The following NLRP5 variants were observed in gnomAD, a reference collection of about 807,000 sequenced individuals.
NLRP5 encodes NACHT, LRR and PYD domains-containing protein 5.
NLRP5 carries 93 observed loss-of-function variants against 113.1 expected under a neutral mutation model. The ratio of observed to expected loss-of-function variants is 0.82; its 90% CI spans 0.70 to 0.98. The LOEUF is 0.98. Among genes scored for constraint, NLRP5 ranks in the 50% least tolerant of loss-of-function variants. The pLI is 0.00. For synonymous variants in NLRP5, 751 were observed against 600.7 expected (o/e 1.25, Z -3.66); for missense variants, 1,808 against 1,514.3 (o/e 1.19, Z -3.22).
At chr19:55,996,069 A>G (rs1012943069), upstream of NLRP5, among the ~76,000 whole-genome samples, 1 of 152,150 alleles carries the variant, frequency 6.6e-6, no homozygotes, top group African/African-American at 2.4e-5. Flanking sequence ...TTCTAAATGA[A>G]AGATTATATT....
At chr19:55,988,130 C>A in the NLRP5 span, 1 of 431,182 alleles carries the variant, frequency 2.3e-6, no homozygotes. Context: ...TGGTGGCTCA[C>A]GCCTGTAACC....
chr19:56,058,372 G>T lies in NLRP5; in HGVS notation c.3432G>T (p.Ser1144=). ...CCAAAGGAATGATGAAGCTGTGTTC[G>T]GCCTTTGCCTGTCCCACGTCTAACT... Residue 1144 remains serine (S), a synonymous_variant, in exon 14 of 15, where the codon TCG becomes TCT. Transcript: ENST00000390649. 3 of 1,613,900 alleles carry T rather than the reference G, an allele frequency of 1.9e-6. No individual in the cohort carries two copies. Among genetic ancestry groups the T allele is most frequent in the South Asian group, 1.1e-5 (1 of 91,066 alleles).
intron 2 of NLRP5, 137 bp downstream of exon 2, chr19:56,004,232 G>C (rs1361007048): frequency 3.3e-6 from 3 of 918,700 alleles, no homozygotes; most frequent in Non-Finnish European, 4.8e-6. Context: ...GGATCCTATT[G>C]GTCATCGTCA....
rs568821946 is a variant in NLRP5 at position 56,060,524 on chromosome 19, T to C, written c.3471-872T>C. Among the ~76,000 whole-genome samples the C allele has an allele frequency of 4.6e-5, 7 of 152,182 alleles. No individual in the cohort carries two copies. The East Asian group carries it at 1.4e-3, about 29-fold the overall frequency. On this transcript the variant is annotated intron_variant, in intron 14 of 14. Transcript: ENST00000390649. Reference sequence around the variant, plus strand: ...AGTAGTTTTGCTTAAAGTCACTGTTTCCAAGAACCTATCAATGACATTAAG... The same window carrying C: ...AGTAGTTTTGCTTAAAGTCACTGTTCCCAAGAACCTATCAATGACATTAAG...
At chr19:56,017,800 G>A (rs962255962) in intron 4 of NLRP5, among the ~76,000 whole-genome samples, 5 of 152,078 alleles carry the variant, frequency 3.3e-5, no homozygotes, top group Admixed American at 6.6e-5. Context: ...GTGCCTGGTC[G>A]TTTACACCAA....
intron 7 of NLRP5, among the ~76,000 whole-genome samples, chr19:56,029,550 G>A (rs1396722175): frequency 1.3e-5 from 2 of 152,256 alleles, no homozygotes; most frequent in African/African-American, 4.8e-5. Context: ...ATAGGCATAA[G>A]CTGCTGTGCC....
chr19:56,001,185 T>G (rs1599874929), intron 1 of NLRP5, among the ~76,000 whole-genome samples: 1 of 148,080 alleles, frequency 6.8e-6, no homozygotes, highest in Non-Finnish European at 1.5e-5. Context: ...AAAGGCCTGG[T>G]GCAGTGATGC....
intron 6 of NLRP5, among the ~76,000 whole-genome samples, chr19:56,026,184 C>T (rs1025163237): frequency 6.6e-5 from 10 of 151,962 alleles, no homozygotes; most frequent in African/African-American, 2.4e-4. Flanking sequence ...TGACTCAGGC[C>T]CCACTGATGC....
At chr19:56,051,229 G>T (rs1009308651) in intron 12 of NLRP5, among the ~76,000 whole-genome samples, 1 of 152,108 alleles carries the variant, frequency 6.6e-6, no homozygotes, top group Non-Finnish European at 1.5e-5. Context: ...GTCTTGCTCT[G>T]TTGCCCAGGC....
chr19:56,031,008 G>A (rs542198043), intron 7 of NLRP5, among the ~76,000 whole-genome samples: 19 of 151,764 alleles, frequency 1.3e-4, no homozygotes, highest in South Asian at 6.3e-4. Flanking sequence ...GACTGCGCCC[G>A]GCCTCTATTT....
chr19:56,034,378 C>G (rs1408681309), intron 9 of NLRP5, among the ~76,000 whole-genome samples: 1 of 152,130 alleles, frequency 6.6e-6, no homozygotes, highest in Non-Finnish European at 1.5e-5. Flanking sequence ...AAGAGCAAAA[C>G]TCTGTCTCAA....
Position 56,027,733 on chromosome 19 carries a change from C to A in NLRP5, c.1500C>A (p.Gly500=). Residue 500 remains glycine, a synonymous_variant, in exon 7 of 15, where the codon GGC becomes GGA. Coordinates refer to ENST00000390649, the MANE Select transcript of NLRP5 (RefSeq NM_153447.4). ...CCCCCTTCAACCAAACGCTCACAGG[C>A]CTGCACGCCGCTTTTGTGTTTCATC... The A allele has an allele frequency of 6.2e-7, 1 of 1,613,718 alleles. No individual in the cohort carries two copies. Among genetic ancestry groups the A allele is most frequent in the South Asian group, 1.1e-5 (1 of 91,066 alleles).
chr19:56,038,302 C>A, intron 10 of NLRP5, 107 bp downstream of exon 10: 1 of 1,259,588 alleles, frequency 7.9e-7, no homozygotes. Flanking sequence ...ATGTACAAAC[C>A]AGGGGTGAGG....
At chr19:56,023,621 C>T (rs1429550448) in intron 6 of NLRP5, among the ~76,000 whole-genome samples, 4 of 151,982 alleles carry the variant, frequency 2.6e-5, no homozygotes, top group Admixed American at 6.6e-5. Flanking sequence ...GAAGAATCCA[C>T]ACAAATGAAG....
chr19:55,997,204 T>C (rs11883238), upstream of NLRP5, among the ~76,000 whole-genome samples: 16,589 of 152,194 alleles, frequency 0.11, 1,136 homozygotes, highest in East Asian at 0.27. Flanking sequence ...TTCTTGTAAA[T>C]GTTGATTTTA....
In NLRP5 at chr19:56,038,029, G is replaced by T; in HGVS notation, c.2620G>T (p.Asp874Tyr). ...TCATGCTGCCTGTCTCTGCAGGCTGGATTGCTGTGGATTGACCCATGCCTG... is the reference window on the plus strand; with the variant it reads ...TCATGCTGCCTGTCTCTGCAGGCTGTATTGCTGTGGATTGACCCATGCCTG... The change falls in exon 10 of 15, where the codon GAT becomes TAT. Residue 874 changes from aspartate (D) to tyrosine (Y), a missense_variant. Transcript: ENST00000390649. The T allele has an allele frequency of 6.2e-7, 1 of 1,613,940 alleles. No individual in the cohort carries two copies. The highest frequency in any genetic ancestry group is 8.5e-7 in the Non-Finnish European group (1 of 1,179,862).
chr19:56,024,560 T>TACAC (rs1982761994), intron 6 of NLRP5, among the ~76,000 whole-genome samples: 1 of 143,998 alleles, frequency 6.9e-6, no homozygotes, highest in Non-Finnish European at 1.5e-5. Context: ...TGTGTATATA[T>TACAC]GTATATATAC....
intron 1 of NLRP5, chr19:55,999,893 T>C (rs1981565478): frequency 4.8e-6 from 4 of 827,414 alleles, no homozygotes; most frequent in South Asian, 2.7e-5. Context: ...TGCAATGTTA[T>C]TAGCAATCCG....
At chr19:55,992,858 T>A in the NLRP5 span, among the ~76,000 whole-genome samples, 1 of 151,246 alleles carries the variant, frequency 6.6e-6, no homozygotes. Flanking sequence ...ATGGAGACTT[T>A]TTTTTTTTGA....
Sources: gnomAD v4.1 joint callset for allele counts (sites outside exome capture counted in the v4.1 genomes callset) on GRCh38, gnomAD v4.1.1 for gene constraint, MANE v1.5 for transcripts, NCBI Gene and HGNC (gene_info 2026-07-23, HGNC 2026-07-21) for gene names.